BCL2L14: variants seen among roughly 807,000 people sequenced by gnomAD.
The protein encoded by BCL2L14 is BCL2 like 14, also known as apoptosis facilitator Bcl-2-like protein 14.
A neutral mutation model predicts 35.3 loss-of-function variants in BCL2L14; 27 were observed. The observed-to-expected ratio is 0.76, with a 90% CI of 0.56 to 1.05. The LOEUF (loss-of-function observed/expected upper bound fraction) is 1.05. Ranked by LOEUF, BCL2L14 falls within the 50% of genes least tolerant of loss-of-function variation. The probability of loss-of-function intolerance (pLI) is 0.00; values close to 1 mark genes in which losing one functional copy is unlikely to be tolerated. For synonymous variants in BCL2L14, 139 were observed against 145.9 expected (o/e 0.95, Z 0.34); for missense variants, 377 against 382.6 (o/e 0.99, Z 0.12).
At chr12:12,085,056 C>A (rs1949013116) in intron 2 of BCL2L14, among the ~76,000 whole-genome samples, 1 of 144,808 alleles carries the variant, frequency 6.9e-6, no homozygotes, top group Non-Finnish European at 1.5e-5. Flanking sequence ...TGCACTCCAG[C>A]CTGGGCAACA....
At chr12:12,092,587 G>C (rs1022925383) in intron 4 of BCL2L14, among the ~76,000 whole-genome samples, 2 of 152,194 alleles carry the variant, frequency 1.3e-5, no homozygotes, top group South Asian at 4.1e-4. Flanking sequence ...GGCAGGGGAG[G>C]GGTGAGGAGG....
chr12:12,053,882 C>T (rs575208640), intron 2 of BCL2L14, among the ~76,000 whole-genome samples: 3 of 152,174 alleles, frequency 2.0e-5, no homozygotes, highest in Admixed American at 6.5e-5. Context: ...ATTCTGTTCA[C>T]GTGTGGCTGA....
At chr12:12,081,778 C>T (rs553591777) in intron 2 of BCL2L14, among the ~76,000 whole-genome samples, 3 of 152,032 alleles carry the variant, frequency 2.0e-5, no homozygotes, top group East Asian at 3.9e-4. Context: ...AGGCTGGCCT[C>T]GAACTCCTGA....
chr12:12,094,535 T>A (rs775406284), intron 4 of BCL2L14, 129 bp from the exon 5 acceptor site: 30 of 1,614,132 alleles, frequency 1.9e-5, no homozygotes, highest in Middle Eastern at 1.6e-4. Context: ...CCCCATTCCC[T>A]TGGTTGACAC....
chr12:12,080,587 T>C (rs946977011), intron 2 of BCL2L14, among the ~76,000 whole-genome samples: 4 of 145,282 alleles, frequency 2.8e-5, no homozygotes, highest in Admixed American at 2.1e-4. Flanking sequence ...ATCACTGCAC[T>C]CCAGCCTGAG....
At chr12:12,057,266 A>G (rs1055106461) in intron 2 of BCL2L14, among the ~76,000 whole-genome samples, 1 of 152,218 alleles carries the variant, frequency 6.6e-6, no homozygotes, top group African/African-American at 2.4e-5. Flanking sequence ...TCAGTTTTCT[A>G]TATGTTAACT....
intron 5 of BCL2L14, among the ~76,000 whole-genome samples, chr12:12,097,036 C>T (rs1360375842): frequency 6.6e-6 from 1 of 152,020 alleles, no homozygotes; most frequent in Non-Finnish European, 1.5e-5. Flanking sequence ...CCCAGCTACT[C>T]AGGGGGGCTG....
chr12:12,070,026 C>T (rs780955585), upstream of BCL2L14, among the ~76,000 whole-genome samples: 1 of 152,126 alleles, frequency 6.6e-6, no homozygotes, highest in Non-Finnish European at 1.5e-5. Flanking sequence ...CAAGCATGGC[C>T]ATATATATCT....
At chr12:12,060,109 C>A (rs2136713785) in intron 2 of BCL2L14, among the ~76,000 whole-genome samples, 1 of 151,630 alleles carries the variant, frequency 6.6e-6, no homozygotes, top group South Asian at 2.1e-4. Flanking sequence ...GGTCGCAATT[C>A]TTCCTCAGCC....
intron 2 of BCL2L14, among the ~76,000 whole-genome samples, chr12:12,058,873 T>C (rs10845468): frequency 0.6 from 91,854 of 152,034 alleles, 28,391 homozygotes; most frequent in East Asian, 0.7. Context: ...GATCCACCTA[T>C]GACCTCAGGT....
At chr12:12,069,951 C>T (rs1295820849), upstream of BCL2L14, among the ~76,000 whole-genome samples, 1 of 152,124 alleles carries the variant, frequency 6.6e-6, no homozygotes, top group African/African-American at 2.4e-5. Flanking sequence ...AGCATTAATT[C>T]CCCTTTCACT....
chr12:12,064,176 A>T (rs1413573337), intron 2 of BCL2L14, among the ~76,000 whole-genome samples: 1 of 152,052 alleles, frequency 6.6e-6, no homozygotes, highest in African/African-American at 2.4e-5. Context: ...CAGTTCTGTC[A>T]CCCAGGCTGG....
At chr12:12,075,410 ATTCTT>A (rs1318148027) in intron 1 of BCL2L14, among the ~76,000 whole-genome samples, 1 of 142,834 alleles carries the variant, frequency 7.0e-6, no homozygotes, top group African/African-American at 2.6e-5. Context: ...ATATGTTTCT[ATTCTT>A]TCTTTCTTTC....
At chr12:12,095,518 C>T (rs1022835897) in intron 5 of BCL2L14, 35 of 985,438 alleles carry the variant, frequency 3.6e-5, no homozygotes, top group Middle Eastern at 1.0e-3. Flanking sequence ...TCCCATCCCT[C>T]ATCCCCAGTT....
chr12:12,090,121 C>A (rs368023654), intron 3 of BCL2L14, among the ~76,000 whole-genome samples: 96 of 152,160 alleles, frequency 6.3e-4, no homozygotes, highest in African/African-American at 2.3e-3. Flanking sequence ...AAGAATATTC[C>A]CCCTAAATAT....
intron 2 of BCL2L14, among the ~76,000 whole-genome samples, chr12:12,083,072 C>G (rs545660383): frequency 1.6e-4 from 24 of 152,334 alleles, no homozygotes; most frequent in Admixed American, 4.6e-4. Flanking sequence ...TCACACCATT[C>G]TCCTGCCTCA....
In BCL2L14 at chr12:12,079,876, G is replaced by T. The variant is rs1002851979; in HGVS notation, c.433+138G>T. 1.5e-5 allele frequency: 13 copies of T among 895,738 alleles called. No individual in the cohort carries two copies. The African/African-American group carries it at 2.2e-4, about 15-fold the overall frequency. The allele number at this position is 895,738 out of a possible 1,614,324, so 55.5% of individuals were successfully genotyped here. On this transcript the variant is annotated intron_variant, in intron 2 of 5. Transcript: ENST00000308721. ...TGCCTCAGCTTTCCAACTTATTAGTGTTCAATCATAATTGCCCTGCTTTTC... is the reference window on the plus strand; with the variant it reads ...TGCCTCAGCTTTCCAACTTATTAGTTTTCAATCATAATTGCCCTGCTTTTC...
chr12:12,098,156 G>A (rs1269666537), intron 5 of BCL2L14, among the ~76,000 whole-genome samples: 4 of 152,044 alleles, frequency 2.6e-5, no homozygotes, highest in Non-Finnish European at 5.9e-5. Flanking sequence ...GTCCCTTAAC[G>A]GGAAAAAAAG....
At position 12,092,629 on chromosome 12, in the gene BCL2L14, G is replaced by A. The variant is rs549807613; in HGVS notation, c.678+1780G>A. On this transcript the variant is annotated intron_variant, in intron 4 of 5. Coordinates refer to ENST00000308721, the MANE Select transcript of BCL2L14 (RefSeq NM_138723.2). The stretch of plus-strand genomic sequence containing the variant: ...TGGAAGCCCTGTCTTTGTGGCGTTT[G>A]ATTCTTTTACTGTTCTGGCACAGTC... Among the ~76,000 whole-genome samples the A allele has an allele frequency of 2.6e-5, 4 of 152,312 alleles. No individual in the cohort carries two copies. In the South Asian group the frequency reaches 8.3e-4, roughly 32 times the overall value.
Sources: allele counts gnomAD v4.1 joint callset (sites outside exome capture counted in the v4.1 genomes callset), GRCh38; gene constraint gnomAD v4.1.1; transcripts MANE v1.5; gene names NCBI Gene and HGNC (gene_info 2026-07-23, HGNC 2026-07-21).